The following WDR93 variants were observed in gnomAD, a reference collection of about 807,000 sequenced individuals.
WDR93 encodes WD repeat-containing protein 93.
A neutral mutation model predicts 82.9 loss-of-function variants in WDR93; 73 were observed. The ratio of observed to expected loss-of-function variants is 0.88; its 90% CI spans 0.73 to 1.07. The LOEUF is 1.07. WDR93 is among the 50% of genes least tolerant of loss of function. WDR93 has a pLI of 0.00. For missense variants in WDR93, 738 were observed against 826.0 expected (o/e 0.89, Z 1.31); for synonymous variants, 283 against 300.1 (o/e 0.94, Z 0.59).
rs184911000 is a variant in WDR93, at chr15:89,721,250, T to G, written c.796-805T>G. The G allele has an allele frequency of 1.4e-4, 21 of 152,322 alleles. No individual in the cohort carries two copies. The East Asian group carries it at 4.0e-3, about 29-fold the overall frequency. The allele number at this position is 152,322 out of a possible 1,614,324, so 9.4% of individuals were successfully genotyped here. A position where few individuals can be genotyped will look rare whatever the true frequency, so the allele number is the denominator to read the frequency against. On this transcript the variant is annotated intron_variant, in intron 7 of 16. Coordinates refer to ENST00000268130, the MANE Select transcript of WDR93 (RefSeq NM_020212.2). ...TCTTCTTTTTCCCTATGGTTTCAGA[T>G]AGTGTTTCATAAAATGAGTTTCTTG...
At position 89,693,582 on chromosome 15, in the gene WDR93, C is replaced by T. The variant is rs1277945093; in HGVS notation, c.-41+2725C>T. Among the ~76,000 whole-genome samples the T allele has an allele frequency of 2.0e-5, 3 of 152,180 alleles. 1 individual carries two copies. Among genetic ancestry groups the T allele is most frequent in the Non-Finnish European group, 4.4e-5 (3 of 68,036 alleles). ...AAAGCTGAGAGGCCAAAGCAAGAGG[C>T]TGACATACCCAGTTTCTCAGAAACA... On this transcript the variant is annotated intron_variant, in intron 1 of 16. Coordinates refer to ENST00000268130, the MANE Select transcript of WDR93 (RefSeq NM_020212.2).
Position 89,697,261 on chromosome 15 carries a change from A to ATTT in WDR93, c.-40-4440_-40-4438dup, listed in dbSNP as rs367946894. The stretch of plus-strand genomic sequence containing the variant: ...GGCATGAGCTGCCACACCTGGCACT[A>ATTT]TTTTTTTTATTTTAGCCATTCTAAT... On this transcript the variant is annotated intron_variant, in intron 1 of 16. Transcript: ENST00000268130. Among the ~76,000 whole-genome samples the ATTT allele has an allele frequency of 3.9e-5, 6 of 152,020 alleles. No individual in the cohort carries two copies. The South Asian group carries it at 1.2e-3, about 32-fold the overall frequency.
intron 3 of WDR93, 30 bp from the exon 4 acceptor site, chr15:89,705,524 T>C (rs370089151): frequency 7.6e-7 from 1 of 1,318,612 alleles, no homozygotes; most frequent in African/African-American, 1.5e-5. Context: ...ATTGTCTGTC[T>C]TAACATTCTC....
intron 6 of WDR93, among the ~76,000 whole-genome samples, chr15:89,716,003 C>T (rs1204694718): frequency 2.6e-5 from 4 of 152,192 alleles, no homozygotes; most frequent in South Asian, 2.1e-4. Flanking sequence ...TTAATATTAA[C>T]TGAGCATCCC....
intron 14 of WDR93, among the ~76,000 whole-genome samples, chr15:89,737,081 G>A (rs142670038): frequency 3.0e-4 from 46 of 152,294 alleles, no homozygotes; most frequent in Admixed American, 1.4e-3. Flanking sequence ...ATGAGCCATC[G>A]CGCCCGGCCA....
At chr15:89,701,466 CCT>C (rs1965461126) in intron 1 of WDR93, among the ~76,000 whole-genome samples, 1 of 152,164 alleles carries the variant, frequency 6.6e-6, no homozygotes, top group African/African-American at 2.4e-5. Flanking sequence ...GTATAAAATT[CCT>C]CTTTCCTTCT....
chr15:89,695,393 A>T (rs1259083906), intron 1 of WDR93, among the ~76,000 whole-genome samples: 1 of 152,290 alleles, frequency 6.6e-6, no homozygotes, highest in East Asian at 1.9e-4. Flanking sequence ...GAGTGCAGCA[A>T]CATGATCATA....
intron 7 of WDR93, among the ~76,000 whole-genome samples, chr15:89,717,348 C>T (rs1469306280): frequency 6.6e-6 from 1 of 152,168 alleles, no homozygotes; most frequent in Non-Finnish European, 1.5e-5. Flanking sequence ...GCGTGAGTCA[C>T]CACACTGGGC....
chr15:89,705,439 G>T, intron 3 of WDR93, 115 bp from the exon 4 acceptor site: 1 of 716,220 alleles, frequency 1.4e-6, no homozygotes, highest in East Asian at 2.7e-5. Flanking sequence ...CTGGGAAGGA[G>T]GCCTAAGAAT....
At chr15:89,732,612 T>C (rs1222612081) in intron 12 of WDR93, among the ~76,000 whole-genome samples, 1 of 129,428 alleles carries the variant, frequency 7.7e-6, no homozygotes, top group Non-Finnish European at 1.6e-5. Context: ...TCTTGTTGTT[T>C]GGCCACACAC....
chr15:89,701,663 T>G (rs562325560), intron 1 of WDR93, 44 bp from the exon 2 acceptor site: 830 of 1,489,446 alleles, frequency 5.6e-4, no homozygotes, highest in Non-Finnish European at 7.1e-4. Context: ...ATCTTCTCAT[T>G]GCTTCCTTTC....
At chr15:89,733,796 C>T (rs1966937794) in intron 13 of WDR93, among the ~76,000 whole-genome samples, 1 of 152,066 alleles carries the variant, frequency 6.6e-6, no homozygotes. Flanking sequence ...GAAATAAATT[C>T]CTTTGCTTTA....
intron 7 of WDR93, among the ~76,000 whole-genome samples, chr15:89,718,455 C>G (rs912203942): frequency 6.7e-6 from 1 of 150,354 alleles, no homozygotes; most frequent in Non-Finnish European, 1.5e-5. Flanking sequence ...GCCTGGGAGA[C>G]AGCTGTCTAA....
intron 11 of WDR93, among the ~76,000 whole-genome samples, 172 bp from the exon 12 acceptor site, chr15:89,731,270 AG>A (rs1365496527): frequency 6.6e-6 from 1 of 152,212 alleles, no homozygotes; most frequent in African/African-American, 2.4e-5. Context: ...TTATCATCCT[AG>A]GCAAGGAGAA....
chr15:89,701,610 A>G, intron 1 of WDR93, 97 bp from the exon 2 acceptor site: 1 of 1,032,008 alleles, frequency 9.7e-7, no homozygotes, highest in Non-Finnish European at 1.4e-6. Context: ...CTGTGGAATA[A>G]GCAGTCCCTA....
intron 2 of WDR93, 86 bp from the exon 3 acceptor site, chr15:89,702,864 G>A (rs1596072612): frequency 1.5e-6 from 2 of 1,367,934 alleles, no homozygotes; most frequent in Non-Finnish European, 9.9e-7. Flanking sequence ...TATCTAGGAA[G>A]GGCCCCTGAA....
At chr15:89,734,597 T>G (rs1365830222) in intron 13 of WDR93, among the ~76,000 whole-genome samples, 1 of 152,172 alleles carries the variant, frequency 6.6e-6, no homozygotes, top group East Asian at 1.9e-4. Flanking sequence ...GACTCCATCT[T>G]TTGATGGGAG....
chr15:89,724,818 T>G (rs1017805082), intron 8 of WDR93, among the ~76,000 whole-genome samples: 1 of 152,214 alleles, frequency 6.6e-6, no homozygotes, highest in Non-Finnish European at 1.5e-5. Context: ...CACCAAGTGA[T>G]GGTGAAGATG....
intron 8 of WDR93, 46 bp from the exon 9 acceptor site, chr15:89,727,111 G>T: frequency 1.3e-6 from 2 of 1,588,344 alleles, no homozygotes; most frequent in Non-Finnish European, 1.7e-6. Flanking sequence ...AATCAGGAAA[G>T]GGGGAGTCAC....
Sources: allele counts gnomAD v4.1 joint callset (sites outside exome capture counted in the v4.1 genomes callset), GRCh38; gene constraint gnomAD v4.1.1; transcripts MANE v1.5; gene names NCBI Gene and HGNC (gene_info 2026-07-23, HGNC 2026-07-21).